The following ERBIN variants were observed in gnomAD, a reference collection of about 807,000 sequenced individuals.
ERBIN encodes densin-180-like protein.
In ERBIN, 60 loss-of-function variants were observed where a neutral mutation model predicts 158.4. The ratio of observed to expected loss-of-function variants is 0.38; its 90% CI spans 0.31 to 0.47. The LOEUF (loss-of-function observed/expected upper bound fraction) is 0.47. Ranked by LOEUF, ERBIN falls within the 20% of genes least tolerant of loss-of-function variation. The pLI is 0.99. For missense variants in ERBIN, 1,610 were observed against 1,648.0 expected (o/e 0.98, Z 0.40); for synonymous variants, 594 against 557.2 (o/e 1.07, Z -0.93).
chr5:66,000,313 G>A (rs1752891210), intron 4 of ERBIN, among the ~76,000 whole-genome samples: 1 of 152,050 alleles, frequency 6.6e-6, no homozygotes, highest in African/African-American at 2.4e-5. Context: ...TGAGAATGGT[G>A]GAATTATGGC....
Position 66,026,359 on chromosome 5 carries a change from C to T in ERBIN, c.1078C>T (p.Leu360Phe). 1 of 1,601,202 alleles carries T rather than the reference C, an allele frequency of 6.2e-7. No individual in the cohort carries two copies. Among genetic ancestry groups the T allele is most frequent in the Non-Finnish European group, 8.5e-7 (1 of 1,174,394 alleles). Residue 360 changes from leucine to phenylalanine, a missense_variant, in exon 13 of 26, where the codon CTT (leucine) becomes TTT (phenylalanine). Physicochemically the swap from Leu to Phe is conservative, Grantham distance 22. Transcript: ENST00000284037. ...LFLHSNKLET[L>F]PEEMGDMQKL... is the part of the protein sequence containing the mutation. ...TCTCCATTCCAATAAACTTGAGACACTTCCAGAGGAAATGGGTGATATGCA... is the reference window on the plus strand; with the variant it reads ...TCTCCATTCCAATAAACTTGAGACATTTCCAGAGGAAATGGGTGATATGCA...
Position 66,076,918 on chromosome 5 carries a change from A to G in ERBIN, c.4100A>G (p.Lys1367Arg), listed in dbSNP as rs756059629. 3 of 1,609,778 alleles carry G rather than the reference A, an allele frequency of 1.9e-6. No individual in the cohort carries two copies. The highest frequency in any genetic ancestry group is 2.5e-6 in the Non-Finnish European group (3 of 1,177,398). ...TRVQPEGPAS[K>R]LLQPGDKIIQ... ...GTACAACCTGAAGGACCAGCATCAA[A>G]ATTACTGCAGCCAGGTGATAAAATT... The change falls in exon 25 of 26, where the codon AAA (lysine) becomes AGA (arginine). Residue 1367 changes from lysine (K) to arginine (R), a missense_variant. Coordinates refer to ENST00000284037, the MANE Select transcript of ERBIN (RefSeq NM_001253697.2).
chr5:66,007,756 A>G (rs1309132306), intron 4 of ERBIN, among the ~76,000 whole-genome samples: 5 of 152,230 alleles, frequency 3.3e-5, no homozygotes, highest in Non-Finnish European at 7.3e-5. Flanking sequence ...GTCTGATACT[A>G]ACACATTTGC....
chr5:66,038,546 A>G, intron 15 of ERBIN, 64 bp downstream of exon 15: 1 of 1,231,484 alleles, frequency 8.1e-7, no homozygotes, highest in South Asian at 1.4e-5. Flanking sequence ...TGTGAAGTGA[A>G]CTTTAAGTCT....
intron 20 of ERBIN, 91 bp from the exon 21 acceptor site, chr5:66,053,315 T>G: frequency 1.4e-6 from 1 of 713,168 alleles, no homozygotes; most frequent in South Asian, 3.6e-5. Flanking sequence ...CTTTTTTAAC[T>G]TGTCTACCTA....
intron 1 of ERBIN, among the ~76,000 whole-genome samples, chr5:65,985,303 G>C (rs750283637): frequency 7.9e-5 from 12 of 152,194 alleles, no homozygotes; most frequent in Non-Finnish European, 1.8e-4. Flanking sequence ...ATGTTGGCCA[G>C]GCGGTCTTAA....
chr5:66,066,502 TA>T (rs11345777), intron 21 of ERBIN, among the ~76,000 whole-genome samples: 8,576 of 149,812 alleles, frequency 0.057, 850 homozygotes, highest in African/African-American at 0.2. Context: ...TCACCCCTCT[TA>T]ACCTCCCACT....
chr5:66,054,019 A>G lies in ERBIN; in HGVS notation c.2701A>G (p.Ile901Val), dbSNP rs1759324873. The change falls in exon 21 of 26, where the codon ATC becomes GTC. Residue 901 changes from isoleucine (I) to valine (V), a missense_variant. Transcript: ENST00000284037. Reference protein sequence around the residue: ...GPQQPSTTVKITSAVDGKNIV... With the variant: ...GPQQPSTTVKVTSAVDGKNIV... ...TCAGCAGCCAAGTACAACCGTTAAAATCACATCTGCTGTTGATGGAAAAAA... is the reference window on the plus strand; with the variant it reads ...TCAGCAGCCAAGTACAACCGTTAAAGTCACATCTGCTGTTGATGGAAAAAA... 6.2e-7 allele frequency: 1 copy of G among 1,614,188 alleles called. No homozygotes were observed. The highest frequency in any genetic ancestry group is 8.5e-7 in the Non-Finnish European group (1 of 1,180,040).
chr5:65,987,014 A>G (rs1230106021), intron 1 of ERBIN, among the ~76,000 whole-genome samples: 1 of 152,194 alleles, frequency 6.6e-6, no homozygotes, highest in African/African-American at 2.4e-5. Flanking sequence ...GATACTGTGT[A>G]CACATACGAG....
At chr5:65,977,142 G>C (rs1749989896) in intron 1 of ERBIN, among the ~76,000 whole-genome samples, 1 of 150,172 alleles carries the variant, frequency 6.7e-6, no homozygotes, top group Admixed American at 6.6e-5. Context: ...GGCCGGGCGG[G>C]GGGCTGACTC....
At chr5:66,031,551 GCTGGGTATGGTGGTTCACACCT>G (rs1301761193) in intron 14 of ERBIN, among the ~76,000 whole-genome samples, 1 of 152,204 alleles carries the variant, frequency 6.6e-6, no homozygotes, top group Non-Finnish European at 1.5e-5. Flanking sequence ...GAGGAACGGG[GCTGGGTATGGTGGTTCACACCT>G]CTGATCCCAG....
intron 1 of ERBIN, among the ~76,000 whole-genome samples, chr5:65,940,706 C>T (rs1744867049): frequency 6.7e-6 from 1 of 149,710 alleles, no homozygotes; most frequent in Non-Finnish European, 1.5e-5. Context: ...GGGGTCAGCC[C>T]CCCGCCCGGC....
chr5:65,977,897 G>C (rs1222615813), intron 1 of ERBIN, among the ~76,000 whole-genome samples: 6 of 151,752 alleles, frequency 4.0e-5, no homozygotes, highest in Non-Finnish European at 8.8e-5. Context: ...GACTCCGTCT[G>C]CAATCCCGGC....
At chr5:65,994,414 A>G (rs1435635219) in intron 3 of ERBIN, among the ~76,000 whole-genome samples, 1 of 152,178 alleles carries the variant, frequency 6.6e-6, no homozygotes, top group Non-Finnish European at 1.5e-5. Flanking sequence ...TAGGGCTTTC[A>G]TTTTGGAATA....
At chr5:65,985,882 C>T (rs962426679) in intron 1 of ERBIN, among the ~76,000 whole-genome samples, 2 of 152,174 alleles carry the variant, frequency 1.3e-5, no homozygotes, top group African/African-American at 4.8e-5. Flanking sequence ...TACACAGTGG[C>T]CATTCTAAGT....
intron 1 of ERBIN, among the ~76,000 whole-genome samples, chr5:65,955,931 C>G (rs1454429242): frequency 1.3e-5 from 2 of 152,162 alleles, no homozygotes; most frequent in African/African-American, 4.8e-5. Flanking sequence ...TGAATTATCC[C>G]TTTGTTTACC....
intron 1 of ERBIN, among the ~76,000 whole-genome samples, chr5:65,935,028 C>T (rs78326220): frequency 2.6e-5 from 4 of 152,066 alleles, no homozygotes; most frequent in Admixed American, 2.0e-4. Context: ...AAGCCAAGAT[C>T]TGGGGCTTGT....
intron 1 of ERBIN, among the ~76,000 whole-genome samples, chr5:65,974,032 T>C (rs748956117): frequency 6.6e-6 from 1 of 150,954 alleles, no homozygotes; most frequent in Non-Finnish European, 1.5e-5. Flanking sequence ...GCCAGGAGTT[T>C]GAGACCAGCC....
intron 18 of ERBIN, among the ~76,000 whole-genome samples, chr5:66,046,833 AATT>A: frequency 6.6e-6 from 1 of 152,306 alleles, no homozygotes; most frequent in South Asian, 2.1e-4. Flanking sequence ...AGGCATACCC[AATT>A]ATTTAACTTA....
Sources: gnomAD v4.1 joint callset for allele counts (sites outside exome capture counted in the v4.1 genomes callset) on GRCh38, gnomAD v4.1.1 for gene constraint, MANE v1.5 for transcripts, NCBI Gene and HGNC (gene_info 2026-07-23, HGNC 2026-07-21) for gene names.